TTLL5: variants seen among roughly 807,000 people sequenced by gnomAD.
TTLL5 encodes tubulin tyrosine ligase like 5.
In TTLL5, 132 loss-of-function variants were observed where a neutral mutation model predicts 168.4. That is an observed-to-expected ratio of 0.78 (90% CI 0.68 to 0.91). TTLL5 has a LOEUF of 0.91. Ranked by LOEUF, TTLL5 falls within the 40% of genes least tolerant of loss-of-function variation. The pLI, the probability that TTLL5 is intolerant of heterozygous loss-of-function variation, is 0.00. For synonymous variants in TTLL5, 546 were observed against 558.6 expected, an observed-to-expected ratio of 0.98 and a Z score of 0.32; for missense variants, 1,545 against 1,581.5, an observed-to-expected ratio of 0.98 and a Z score of 0.39.
chr14:75,717,213 C>CA, intron 9 of TTLL5, among the ~76,000 whole-genome samples: 1 of 152,248 alleles, frequency 6.6e-6, no homozygotes, highest in Non-Finnish European at 1.5e-5. Flanking sequence ...CTCCTGGGCT[C>CA]AAGCAGTCTT....
intron 28 of TTLL5, among the ~76,000 whole-genome samples, chr14:75,845,943 G>A (rs1232294642): frequency 6.6e-6 from 1 of 152,122 alleles, no homozygotes; most frequent in Non-Finnish European, 1.5e-5. Flanking sequence ...ACTATCACTG[G>A]TGGATTATAA....
chr14:75,679,324 A>G (rs527310170), intron 3 of TTLL5, among the ~76,000 whole-genome samples: 2 of 152,284 alleles, frequency 1.3e-5, no homozygotes, highest in African/African-American at 4.8e-5. Context: ...GACTTCAAAG[A>G]TAGAGGAAGG....
At chr14:75,722,093 T>C (rs1172228576) in intron 12 of TTLL5, among the ~76,000 whole-genome samples, 2 of 152,182 alleles carry the variant, frequency 1.3e-5, no homozygotes, top group African/African-American at 4.8e-5. Context: ...TACCTTATAA[T>C]CCAGCTGTAC....
intron 12 of TTLL5, among the ~76,000 whole-genome samples, chr14:75,722,225 T>G (rs1266532660): frequency 6.6e-6 from 1 of 152,108 alleles, no homozygotes. Flanking sequence ...GATTTAGTTC[T>G]CCACATTGCC....
intron 28 of TTLL5, among the ~76,000 whole-genome samples, chr14:75,861,085 A>G (rs998333482): frequency 1.4e-4 from 21 of 152,312 alleles, no homozygotes; most frequent in Non-Finnish European, 2.4e-4. Flanking sequence ...GGATCACTGA[A>G]GATCAAATGT....
At chr14:75,732,228 C>A (rs1475923460) in intron 12 of TTLL5, 110 bp from the exon 13 acceptor site, 8 of 795,220 alleles carry the variant, frequency 1.0e-5, no homozygotes, top group Admixed American at 8.9e-5. Flanking sequence ...TTGCTACTTA[C>A]ACTCAGTGAG....
intron 27 of TTLL5, among the ~76,000 whole-genome samples, chr14:75,813,144 T>A (rs1323194994): frequency 6.6e-6 from 1 of 152,088 alleles, no homozygotes; most frequent in African/African-American, 2.4e-5. Context: ...TCTTGAAGAC[T>A]AAGTAGGTTA....
chr14:75,746,535 A>T (rs1889622580), intron 17 of TTLL5, among the ~76,000 whole-genome samples: 1 of 147,708 alleles, frequency 6.8e-6, no homozygotes, highest in South Asian at 2.1e-4. Context: ...ATCTCTTTAT[A>T]ACTGATTTCC....
chr14:75,870,522 A>C (rs2030942770), intron 29 of TTLL5, among the ~76,000 whole-genome samples: 1 of 152,174 alleles, frequency 6.6e-6, no homozygotes, highest in Non-Finnish European at 1.5e-5. Flanking sequence ...TGGGTTTAGC[A>C]CCTAACAACA....
chr14:75,902,476 G>T (rs1057051995), intron 31 of TTLL5: 2 of 650,906 alleles, frequency 3.1e-6, no homozygotes, highest in African/African-American at 1.8e-5. Flanking sequence ...TGTCAGATTT[G>T]CAGCATTTAA....
At position 75,783,098 on chromosome 14, in the gene TTLL5, ATGTT is replaced by A. The variant is rs565844417; in HGVS notation, c.2603-43_2603-40del. 7.3e-3 allele frequency: 10,970 copies of A among 1,513,016 alleles called. 46 individuals carry two copies. The highest frequency in any genetic ancestry group is 9.1e-3 in the Non-Finnish European group (10,223 of 1,127,712). The allele number at this position is 1,513,016 out of a possible 1,614,324, so 93.7% of individuals were successfully genotyped here. A position where few individuals can be genotyped will look rare whatever the true frequency, so the allele number is the denominator to read the frequency against. ...AAAATATTTGTTTTATAGAGATTGTATGTTTGTTTTTCCTATAATGATGTCTTGT... is the reference window on the plus strand; with the variant it reads ...AAAATATTTGTTTTATAGAGATTGTATGTTTTTCCTATAATGATGTCTTGT... On this transcript the variant is annotated intron_variant, in intron 25 of 31. Transcript: ENST00000298832.
At chr14:75,724,790 G>A (rs901588387) in intron 12 of TTLL5, among the ~76,000 whole-genome samples, 6 of 152,090 alleles carry the variant, frequency 3.9e-5, no homozygotes, top group African/African-American at 1.4e-4. Context: ...TTCCAAGATC[G>A]TGAAAATATG....
intron 20 of TTLL5, among the ~76,000 whole-genome samples, chr14:75,768,341 CT>C (rs1891083569): frequency 6.6e-6 from 1 of 152,154 alleles, no homozygotes; most frequent in South Asian, 2.1e-4. Flanking sequence ...AAAGAGACTT[CT>C]GGATTTGTGA....
intron 7 of TTLL5, among the ~76,000 whole-genome samples, 189 bp downstream of exon 7, chr14:75,699,459 A>G (rs1347442778): frequency 1.3e-5 from 2 of 152,238 alleles, no homozygotes; most frequent in African/African-American, 2.4e-5. Context: ...CTTCTGCACC[A>G]GCAGTTACTC....
intron 12 of TTLL5, among the ~76,000 whole-genome samples, chr14:75,730,998 A>G (rs1162856722): frequency 1.3e-5 from 2 of 152,100 alleles, no homozygotes; most frequent in Non-Finnish European, 2.9e-5. Flanking sequence ...GATTACAGGC[A>G]TGAGCCACCA....
chr14:75,801,106 T>A (rs12435684), intron 27 of TTLL5, among the ~76,000 whole-genome samples: 2,441 of 152,254 alleles, frequency 0.016, 132 homozygotes, highest in East Asian at 0.12. Flanking sequence ...ACGTCTTTTT[T>A]CTTCAGCTAC....
chr14:75,800,501 G>A (rs929560799), intron 27 of TTLL5, among the ~76,000 whole-genome samples: 4 of 152,152 alleles, frequency 2.6e-5, no homozygotes, highest in East Asian at 1.9e-4. Context: ...CTTTGGATCC[G>A]TTGCTAGTGA....
At chr14:75,947,787 T>C (rs894896296) in intron 31 of TTLL5, among the ~76,000 whole-genome samples, 1 of 151,572 alleles carries the variant, frequency 6.6e-6, no homozygotes, top group Non-Finnish European at 1.5e-5. Context: ...TCCAAAAAAA[T>C]CGAAAAATTA....
Position 75,699,206 on chromosome 14 carries a change from G to T in TTLL5, c.521G>T (p.Arg174Leu). The T allele has an allele frequency of 1.2e-6, 2 of 1,613,444 alleles. 1 individual carries two copies. The highest frequency in any genetic ancestry group is 3.3e-4 in the Middle Eastern group (2 of 6,056). ...TGAGCAGATTCATATTCGAAGGACC[G>T]GGGACCTTGGATAGTAAAACCAGTG... ...AEFCNSYSKD[R>L]GPWIVKPVAS... The change falls in exon 7 of 32, where the codon CGG becomes CTG. Residue 174 changes from arginine (R) to leucine (L), a missense_variant. Arg to Leu is a moderately radical substitution (Grantham distance 102, BLOSUM62 -2). Coordinates refer to ENST00000298832, the MANE Select transcript of TTLL5 (RefSeq NM_015072.5).
Sources: allele counts gnomAD v4.1 joint callset (sites outside exome capture counted in the v4.1 genomes callset), GRCh38; gene constraint gnomAD v4.1.1; transcripts MANE v1.5; gene names NCBI Gene and HGNC (gene_info 2026-07-23, HGNC 2026-07-21).